R3HDM2: variants seen among roughly 807,000 people sequenced by gnomAD.
R3HDM2 encodes the protein R3H domain-containing protein 2.
Under a neutral mutation model 124.5 loss-of-function variants are expected in R3HDM2, and 38 were observed. The ratio of observed to expected loss-of-function variants is 0.31; its 90% CI spans 0.24 to 0.40. The LOEUF (loss-of-function observed/expected upper bound fraction) is 0.40. Among genes scored for constraint, R3HDM2 ranks in the 10% least tolerant of loss-of-function variants. The pLI is 1.00. For synonymous variants in R3HDM2, 391 were observed against 448.0 expected (o/e 0.87, Z 1.61); for missense variants, 869 against 1,236.9 (o/e 0.70, Z 4.46).
rs1412108742 is a variant in R3HDM2 at position 57,296,914 on chromosome 12, A to G, written c.561-363T>C. The G allele has an allele frequency of 9.1e-6, 2 of 219,116 alleles. No homozygotes were observed. The highest frequency in any genetic ancestry group is 4.6e-5 in the African/African-American group (2 of 43,112). The allele number at this position is 219,116 out of a possible 1,614,324, so 13.6% of individuals were successfully genotyped here. On this transcript the variant is annotated intron_variant, in intron 8 of 23. Coordinates refer to ENST00000402412, the MANE Select transcript of R3HDM2 (RefSeq NM_001394031.1). This position sits in a 1 kb window ranked among gnomAD's most constrained non-coding sequence, Gnocchi z 4.5. ...CCCCGTCTCTACAAAAAATACAAAA[A>G]TTAGCTAGGCATGTGCCTGTCATCC...
rs150259801 is a variant in R3HDM2 at position 57,422,555 on chromosome 12, G to A, written c.-106+8165C>T. 1.4e-3 allele frequency among the ~76,000 whole-genome samples: 214 copies of A among 152,344 alleles called. 4 individuals are homozygous for A. In the East Asian group the frequency reaches 0.034, roughly 24 times the overall value. On this transcript the variant is annotated intron_variant, in intron 1 of 23. Coordinates refer to ENST00000402412, the MANE Select transcript of R3HDM2 (RefSeq NM_001394031.1). ...TAAGGAAAAGCCAGAAAGGCTGACA[G>A]GGGCCAGATCATAAAGAGTTTTTGT...
chr12:57,310,201 TG>T, intron 3 of R3HDM2, 62 bp downstream of exon 3: 1 of 1,228,160 alleles, frequency 8.1e-7, no homozygotes, highest in Non-Finnish European at 1.1e-6. Context: ...CAGACAGAGC[TG>T]GGTAACCCTG....
chr12:57,346,070 T>C (rs1193238489), intron 2 of R3HDM2, among the ~76,000 whole-genome samples: 1 of 148,752 alleles, frequency 6.7e-6, no homozygotes, highest in Admixed American at 6.7e-5. Flanking sequence ...TGAGGCAGAA[T>C]TGCTTGAACC....
intron 2 of R3HDM2, among the ~76,000 whole-genome samples, chr12:57,331,003 C>G (rs893758592): frequency 2.0e-5 from 3 of 152,032 alleles, no homozygotes; most frequent in Admixed American, 1.3e-4. Context: ...CGGCCGGAAT[C>G]TTTAGGGTTT....
At chr12:57,337,946 A>G (rs1442617441) in intron 2 of R3HDM2, among the ~76,000 whole-genome samples, 1 of 152,354 alleles carries the variant, frequency 6.6e-6, no homozygotes, top group East Asian at 1.9e-4. Context: ...TATGAACACT[A>G]GAAATTTTTA....
chr12:57,334,916 T>C (rs2058662533), intron 2 of R3HDM2, among the ~76,000 whole-genome samples: 2 of 150,678 alleles, frequency 1.3e-5, no homozygotes, highest in Non-Finnish European at 3.0e-5. Context: ...AGCAGGAGTG[T>C]CACCTGAGGC....
intron 2 of R3HDM2, among the ~76,000 whole-genome samples, chr12:57,378,625 T>C (rs2064407289): frequency 6.6e-6 from 1 of 152,190 alleles, no homozygotes; most frequent in African/African-American, 2.4e-5. Context: ...GACATCCTTC[T>C]GCTTTGGCCT....
chr12:57,411,796 A>G (rs1200021970), intron 1 of R3HDM2, among the ~76,000 whole-genome samples: 1 of 152,220 alleles, frequency 6.6e-6, no homozygotes, highest in Admixed American at 6.5e-5. Flanking sequence ...GAACACCCCG[A>G]TATGGTTAGG....
rs115837352 is a variant in R3HDM2, at chr12:57,261,862, G to A, written c.2132-2803C>T. The stretch of plus-strand genomic sequence containing the variant: ...GCAGCCAGTGGGAAGTGGGAGGGGG[G>A]GTTGAATAAGGAAATCAATTTCAGC... On this transcript the variant is annotated intron_variant, in intron 19 of 23. Transcript: ENST00000402412. Among the ~76,000 whole-genome samples, 3 of 151,980 alleles carry A rather than the reference G, an allele frequency of 2.0e-5. No homozygotes were observed. In the South Asian group the frequency reaches 6.2e-4, roughly 32 times the overall value.
At position 57,254,596 on chromosome 12, in the gene R3HDM2, CAAG is replaced by C. The variant is rs1479067990; in HGVS notation, c.*174_*176del. The stretch of plus-strand genomic sequence containing the variant: ...AAAGAGAGGACCCATGGCAGGGGAG[CAAG>C]AAGGAGTCCAATGCCAGTGTAGGTA... On this transcript the variant is annotated 3_prime_UTR_variant, in exon 24 of 24. Coordinates refer to ENST00000402412, the MANE Select transcript of R3HDM2 (RefSeq NM_001394031.1). 3.8e-5 allele frequency: 22 copies of C among 577,944 alleles called. No homozygotes were observed. The highest frequency in any genetic ancestry group is 6.4e-5 in the Non-Finnish European group (22 of 342,392). The allele number at this position is 577,944 out of a possible 1,614,324, so 35.8% of individuals were successfully genotyped here. A position where few individuals can be genotyped will look rare whatever the true frequency, so the allele number is the denominator to read the frequency against.
At chr12:57,268,842 A>G in intron 17 of R3HDM2, 80 bp downstream of exon 17, 1 of 1,491,822 alleles carries the variant, frequency 6.7e-7, no homozygotes, top group Non-Finnish European at 9.1e-7. Flanking sequence ...TGGAGTTTTT[A>G]GTATGGATGA....
intron 13 of R3HDM2, among the ~76,000 whole-genome samples, chr12:57,282,680 A>C (rs1175591438): frequency 3.3e-5 from 5 of 152,140 alleles, no homozygotes; most frequent in Admixed American, 2.6e-4. Context: ...AAAAAAAATC[A>C]TAAAAAGAGC....
intron 2 of R3HDM2, among the ~76,000 whole-genome samples, chr12:57,390,945 G>A (rs905408926): frequency 1.3e-5 from 2 of 151,556 alleles, no homozygotes; most frequent in African/African-American, 4.9e-5. Flanking sequence ...CCGGGAAGCA[G>A]AGGTTGCAGT....
chr12:57,340,584 A>G (rs1271745839), intron 2 of R3HDM2, among the ~76,000 whole-genome samples: 1 of 152,172 alleles, frequency 6.6e-6, no homozygotes. Flanking sequence ...TAATTGAACT[A>G]TCATAGAAAA....
intron 11 of R3HDM2, among the ~76,000 whole-genome samples, chr12:57,290,677 G>A (rs1592815481): frequency 6.6e-6 from 1 of 152,076 alleles, no homozygotes; most frequent in African/African-American, 2.4e-5. Context: ...GCAATGGCAC[G>A]ATCTTGGCTC....
chr12:57,353,197 TACAGACTGCAAGTTTTTTTGTGAA>T (rs2060865701), intron 2 of R3HDM2, among the ~76,000 whole-genome samples: 1 of 152,118 alleles, frequency 6.6e-6, no homozygotes, highest in Non-Finnish European at 1.5e-5. Flanking sequence ...AAAAATAAGC[TACAGACTGCAAGTTTTTTTGTGAA>T]ACATACATAT....
intron 2 of R3HDM2, among the ~76,000 whole-genome samples, chr12:57,369,548 G>A (rs1157700055): frequency 6.6e-6 from 1 of 152,124 alleles, no homozygotes; most frequent in African/African-American, 2.4e-5. Context: ...CATTCAATTT[G>A]TAGTTTGTGT....
At chr12:57,407,836 C>T (rs2139199295) in intron 1 of R3HDM2, among the ~76,000 whole-genome samples, 1 of 152,294 alleles carries the variant, frequency 6.6e-6, no homozygotes, top group South Asian at 2.1e-4. Flanking sequence ...AAAATCACGG[C>T]TCACTGCAGC....
chr12:57,331,742 G>A (rs1369181446), intron 2 of R3HDM2, among the ~76,000 whole-genome samples: 3 of 151,716 alleles, frequency 2.0e-5, no homozygotes, highest in Non-Finnish European at 2.9e-5. Flanking sequence ...GTGAAACCCC[G>A]TCTCCGCTAA....
Sources: gnomAD v4.1 joint callset for allele counts (sites outside exome capture counted in the v4.1 genomes callset) on GRCh38, gnomAD v4.1.1 for gene constraint, Gnocchi (gnomAD v3.1) non-coding constraint, MANE v1.5 for transcripts, NCBI Gene and HGNC (gene_info 2026-07-23, HGNC 2026-07-21) for gene names.